The following CYB5D2 variants were observed in gnomAD, a reference collection of about 807,000 sequenced individuals.
The protein encoded by CYB5D2 is cytochrome b5 domain containing 2, also known as neuferricin.
A neutral mutation model predicts 22.8 loss-of-function variants in CYB5D2; 23 were observed. That is an observed-to-expected ratio of 1.01 (90% CI 0.73 to 1.43). CYB5D2 has a LOEUF of 1.43. Among genes scored for constraint, CYB5D2 ranks in the 40% most tolerant of loss-of-function variants. CYB5D2 has a pLI of 0.00. For synonymous variants in CYB5D2, 170 were observed against 152.2 expected, an observed-to-expected ratio of 1.12 and a Z score of -0.86; for missense variants, 373 against 357.2, an observed-to-expected ratio of 1.04 and a Z score of -0.36.
chr17:4,156,656 G>C (rs1192143627), intron 3 of CYB5D2, among the ~76,000 whole-genome samples: 1 of 152,216 alleles, frequency 6.6e-6, no homozygotes, highest in Non-Finnish European at 1.5e-5. Flanking sequence ...CTTGGCCTGG[G>C]GAAGGTGGTG....
chr17:4,154,906 A>C (rs747435592), intron 3 of CYB5D2, 46 bp downstream of exon 3: 2 of 1,562,004 alleles, frequency 1.3e-6, no homozygotes, highest in Non-Finnish European at 1.7e-6. Flanking sequence ...CCCAAATCCA[A>C]CTCCTAGGCC....
intron 2 of CYB5D2, among the ~76,000 whole-genome samples, chr17:4,151,593 G>A (rs537561160): frequency 6.6e-6 from 1 of 151,588 alleles, no homozygotes; most frequent in African/African-American, 2.4e-5. Flanking sequence ...AGGCTGAGAC[G>A]GGAGAATTGC....
chr17:4,148,126 C>G (rs1204087555), intron 1 of CYB5D2, among the ~76,000 whole-genome samples: 2 of 152,084 alleles, frequency 1.3e-5, no homozygotes, highest in African/African-American at 2.4e-5. Context: ...CCTGGGCTTG[C>G]TTAGATGTGG....
chr17:4,153,148 C>T (rs2059075791), intron 2 of CYB5D2, among the ~76,000 whole-genome samples: 1 of 152,212 alleles, frequency 6.6e-6, no homozygotes, highest in Admixed American at 6.5e-5. Context: ...GATTGAACAA[C>T]TCCACATAGG....
At chr17:4,149,694 G>T (rs1567888662) in intron 1 of CYB5D2, among the ~76,000 whole-genome samples, 197 bp from the exon 2 acceptor site, 3 of 152,202 alleles carry the variant, frequency 2.0e-5, no homozygotes, top group African/African-American at 7.2e-5. Flanking sequence ...CGCTACTCTG[G>T]AGGCTGAAGC....
At position 4,149,926 on chromosome 17, in the gene CYB5D2, T is replaced by C. The variant is rs1169477815; in HGVS notation, c.286T>C (p.Cys96Arg). The change falls in exon 2 of 4, where the codon TGT becomes CGT. Residue 96 changes from cysteine to arginine, a missense_variant. Coordinates refer to ENST00000301391, the MANE Select transcript of CYB5D2 (RefSeq NM_144611.4). ...DASRAFVTGD[C>R]SEAGLVDDVS... is the part of the protein sequence containing the mutation. ...ATCCAGAGCTTTCGTGACCGGGGAC[T>C]GTTCTGAAGCAGGCCTCGTGGATGA... 1.9e-6 allele frequency: 3 copies of C among 1,614,062 alleles called. No individual in the cohort carries two copies. The highest frequency in any genetic ancestry group is 1.3e-5 in the African/African-American group (1 of 74,926).
At chr17:4,154,891 C>G (rs1221645155) in intron 3 of CYB5D2, 31 bp downstream of exon 3, 1 of 1,591,584 alleles carries the variant, frequency 6.3e-7, no homozygotes, top group East Asian at 2.3e-5. Context: ...CTCCTTTCTG[C>G]CTGTCCCAAA....
intron 2 of CYB5D2, among the ~76,000 whole-genome samples, 169 bp from the exon 3 acceptor site, chr17:4,154,505 G>A (rs1203687584): frequency 6.6e-6 from 1 of 152,198 alleles, no homozygotes; most frequent in Non-Finnish European, 1.5e-5. Context: ...GGCTTGTAGG[G>A]TGCTAAGAGG....
At chr17:4,155,074 T>A (rs2142995178) in intron 3 of CYB5D2, among the ~76,000 whole-genome samples, 2 of 152,332 alleles carry the variant, frequency 1.3e-5, no homozygotes, top group East Asian at 3.9e-4. Context: ...CTCAACTGAA[T>A]GGGTTGAGAC....
rs1426810668 is a variant in CYB5D2 at position 4,157,290 on chromosome 17, G to T, written c.*208G>T. ...GACAGCCGGCCACCTGCCCAGTACT[G>T]GTCAGCTTTTCAACACTATTCCCTT... On this transcript the variant is annotated 3_prime_UTR_variant, in exon 4 of 4. Transcript: ENST00000301391. This position sits in a 1 kb window ranked among gnomAD's most constrained non-coding sequence, Gnocchi z 4.4. 3.5e-5 allele frequency: 21 copies of T among 607,376 alleles called. No individual in the cohort carries two copies. The highest frequency in any genetic ancestry group is 5.8e-5 in the Non-Finnish European group (20 of 345,288). The allele number at this position is 607,376 out of a possible 1,614,324, so 37.6% of individuals were successfully genotyped here. A position where few individuals can be genotyped will look rare whatever the true frequency, so the allele number is the denominator to read the frequency against.
At chr17:4,147,493 C>G (rs2059005291) in intron 1 of CYB5D2, among the ~76,000 whole-genome samples, 1 of 152,190 alleles carries the variant, frequency 6.6e-6, no homozygotes, top group Non-Finnish European at 1.5e-5. Context: ...AGGAAAAGTA[C>G]TGGTGTTACC....
rs2145651127 is a variant in CYB5D2 at position 4,143,424 on chromosome 17, GC to G, written c.-331del. 4.9e-6 allele frequency: 1 copy of G among 204,284 alleles called. No individual in the cohort carries two copies. Among genetic ancestry groups the G allele is most frequent in the Non-Finnish European group, 1.0e-5 (1 of 100,356 alleles). 12.7% of individuals were successfully genotyped at this position (204,284 alleles called of 1,614,324 possible). On this transcript the variant is annotated 5_prime_UTR_variant, in exon 1 of 4. Coordinates refer to ENST00000301391, the MANE Select transcript of CYB5D2 (RefSeq NM_144611.4). ...GCCTGTAATCCCAGCTACTTGGGAG[GC>G]TGAGGCAGGAGAATCGCTTGAACCC...
chr17:4,155,159 G>C (rs1419543202), intron 3 of CYB5D2, among the ~76,000 whole-genome samples: 1 of 152,148 alleles, frequency 6.6e-6, no homozygotes, highest in Non-Finnish European at 1.5e-5. Flanking sequence ...CCTTGACCCG[G>C]GAATGAGAAG....
chr17:4,154,846 G>T lies in CYB5D2; in HGVS notation c.564G>T (p.Trp188Cys). ...GCTCAGCCAGGGGCAGCCGGCTCTG[G>T]TGCTCCCAGAAGAGGTAAGCAGGCT... ...EWSSARGSRL[W>C]CSQKSGGVSR... The change falls in exon 3 of 4, where the codon TGG becomes TGT. Residue 188 changes from tryptophan to cysteine, a missense_variant. Trp to Cys is a radical substitution (Grantham distance 215). Transcript: ENST00000301391. The T allele has an allele frequency of 6.2e-7, 1 of 1,613,102 alleles. No individual in the cohort carries two copies. Among genetic ancestry groups the T allele is most frequent in the Non-Finnish European group, 8.5e-7 (1 of 1,179,600 alleles).
Position 4,157,037 on chromosome 17 carries a change from C to T in CYB5D2, c.750C>T (p.Tyr250=). Residue 250 remains tyrosine, a synonymous_variant, in exon 4 of 4, where the codon TAC becomes TAT. Transcript: ENST00000301391. This position sits in a 1 kb window ranked among gnomAD's most constrained non-coding sequence, Gnocchi z 4.4. ...TGGACCACCCAAACTTGGCAGAGTA[C>T]ACAGGCTGCCCACCGCTAGCCATCA... is the stretch of plus-strand genomic sequence containing the variant. ...GDLDHPNLAE[Y]TGCPPLAITC... 1 of 1,612,556 alleles carries T rather than the reference C, an allele frequency of 6.2e-7. No individual in the cohort carries two copies. The highest frequency in any genetic ancestry group is 8.5e-7 in the Non-Finnish European group (1 of 1,180,006).
rs139135688 is a variant in CYB5D2 at position 4,155,787 on chromosome 17, C to G, written c.578+927C>G. Reference sequence around the variant, plus strand: ...GCTTCCTTGGGCCCTGCCTCCTTTTCCCTCCCCACAGCCTTCCCCTGTGTC... The same window carrying G: ...GCTTCCTTGGGCCCTGCCTCCTTTTGCCTCCCCACAGCCTTCCCCTGTGTC... On this transcript the variant is annotated intron_variant, in intron 3 of 3. Transcript: ENST00000301391. 2.1e-3 allele frequency among the ~76,000 whole-genome samples: 324 copies of G among 152,318 alleles called. 3 individuals carry two copies. Among genetic ancestry groups the G allele is most frequent in the Non-Finnish European group, 3.6e-3 (246 of 68,026 alleles).
At chr17:4,148,077 G>A (rs532887506) in intron 1 of CYB5D2, among the ~76,000 whole-genome samples, 1 of 152,318 alleles carries the variant, frequency 6.6e-6, no homozygotes, top group African/African-American at 2.4e-5. Context: ...GGGCTTCCTT[G>A]AGGTTTGCTG....
chr17:4,145,134 C>T (rs1025006546), intron 1 of CYB5D2, among the ~76,000 whole-genome samples: 1 of 151,998 alleles, frequency 6.6e-6, no homozygotes, highest in Admixed American at 6.6e-5. Flanking sequence ...GCGGGACTGA[C>T]CTCCAAAATT....
chr17:4,156,765 T>A (rs917827861), intron 3 of CYB5D2, 101 bp from the exon 4 acceptor site: 2 of 1,276,110 alleles, frequency 1.6e-6, no homozygotes, highest in African/African-American at 3.0e-5. Context: ...TCTGGTAGGC[T>A]TCTACTTTTC....
Sources: gnomAD v4.1 joint callset for allele counts (sites outside exome capture counted in the v4.1 genomes callset) on GRCh38, gnomAD v4.1.1 for gene constraint, Gnocchi (gnomAD v3.1) non-coding constraint, MANE v1.5 for transcripts, NCBI Gene and HGNC (gene_info 2026-07-23, HGNC 2026-07-21) for gene names.